The following CACNA2D3 variants were observed in gnomAD, a reference collection of about 807,000 sequenced individuals.
The protein encoded by CACNA2D3 is voltage-dependent calcium channel subunit alpha-2/delta-3.
CACNA2D3 carries 60 observed loss-of-function variants against 160.6 expected under a neutral mutation model. The observed-to-expected ratio is 0.37, with a 90% CI of 0.30 to 0.46. The LOEUF is 0.46. Among genes scored for constraint, CACNA2D3 ranks in the 20% least tolerant of loss-of-function variants. CACNA2D3 has a pLI of 1.00. For synonymous variants in CACNA2D3, 558 were observed against 492.9 expected, an observed-to-expected ratio of 1.13 and a Z score of -1.75; for missense variants, 1,205 against 1,365.0, an observed-to-expected ratio of 0.88 and a Z score of 1.85.
rs946647699 is a variant in CACNA2D3, at chr3:55,074,386, TTATC to T, written c.*185_*188del. 6.4e-5 allele frequency: 37 copies of T among 579,630 alleles called. No individual in the cohort carries two copies. The highest frequency in any genetic ancestry group is 2.2e-4 in the Admixed American group (7 of 31,796). 35.9% of individuals were successfully genotyped at this position (579,630 alleles called of 1,614,324 possible). On this transcript the variant is annotated 3_prime_UTR_variant, in exon 38 of 38. Coordinates refer to ENST00000474759, the MANE Select transcript of CACNA2D3 (RefSeq NM_018398.3). The stretch of plus-strand genomic sequence containing the variant: ...CTCTTAAAGATATGTTGACAAAAAG[TTATC>T]TATCATCTTTTTACTTTGCCAGTCA...
chr3:55,001,233 G>A (rs1702974372), intron 31 of CACNA2D3, among the ~76,000 whole-genome samples: 1 of 152,180 alleles, frequency 6.6e-6, no homozygotes, highest in Admixed American at 6.5e-5. Flanking sequence ...TATTGCAGTA[G>A]CAAGCATGGA....
At chr3:54,613,723 A>G (rs916100920) in intron 9 of CACNA2D3, among the ~76,000 whole-genome samples, 1 of 152,194 alleles carries the variant, frequency 6.6e-6, no homozygotes, top group African/African-American at 2.4e-5. Context: ...TTCCAGGCTC[A>G]TGGTGCGCTG....
At chr3:54,426,975 C>A (rs1399300575) in intron 4 of CACNA2D3, among the ~76,000 whole-genome samples, 1 of 151,936 alleles carries the variant, frequency 6.6e-6, no homozygotes, top group Non-Finnish European at 1.5e-5. Flanking sequence ...CCTTGTTTTT[C>A]TTTCTCTTCT....
At chr3:54,636,458 C>T (rs1275770524) in intron 10 of CACNA2D3, among the ~76,000 whole-genome samples, 2 of 151,794 alleles carry the variant, frequency 1.3e-5, no homozygotes, top group East Asian at 1.9e-4. Flanking sequence ...AAAGCATATG[C>T]GTCAGGTATG....
intron 17 of CACNA2D3, among the ~76,000 whole-genome samples, chr3:54,852,246 C>G (rs997690898): frequency 6.6e-6 from 1 of 152,202 alleles, no homozygotes; most frequent in African/African-American, 2.4e-5. Flanking sequence ...AGATGAGCTC[C>G]ATAGTTTGGC....
chr3:54,139,846 G>T (rs1159488508), intron 2 of CACNA2D3, among the ~76,000 whole-genome samples: 2 of 152,216 alleles, frequency 1.3e-5, no homozygotes, highest in Non-Finnish European at 2.9e-5. Flanking sequence ...TCTGGGGATG[G>T]AAGGCTGAGA....
At position 54,842,394 on chromosome 3, in the gene CACNA2D3, A is replaced by C. The variant is rs140442170; in HGVS notation, c.1551+3746A>C. On this transcript the variant is annotated intron_variant, in intron 16 of 37. Coordinates refer to ENST00000474759, the MANE Select transcript of CACNA2D3 (RefSeq NM_018398.3). ...TGGAATTTTCAAGATGAGCTAGGTAACATTTGAGTTAAGTGGCAAATGTCT... is the reference window on the plus strand; with the variant it reads ...TGGAATTTTCAAGATGAGCTAGGTACCATTTGAGTTAAGTGGCAAATGTCT... 7.4e-4 allele frequency among the ~76,000 whole-genome samples: 112 copies of C among 152,248 alleles called. 1 individual carries two copies. In the East Asian group the frequency reaches 0.02, roughly 27 times the overall value.
intron 11 of CACNA2D3, among the ~76,000 whole-genome samples, chr3:54,683,768 C>T (rs1252796575): frequency 6.6e-6 from 1 of 152,092 alleles, no homozygotes; most frequent in African/African-American, 2.4e-5. Flanking sequence ...AGCTAGAAGT[C>T]TGAAATCAAG....
intron 2 of CACNA2D3, among the ~76,000 whole-genome samples, chr3:54,308,852 A>G (rs1372277943): frequency 6.6e-6 from 1 of 152,216 alleles, no homozygotes; most frequent in Non-Finnish European, 1.5e-5. Flanking sequence ...GGAAAGGTGA[A>G]TTATCTTCAA....
chr3:54,808,661 AATGAAC>A (rs1174261978), intron 13 of CACNA2D3, among the ~76,000 whole-genome samples: 1 of 152,184 alleles, frequency 6.6e-6, no homozygotes, highest in Non-Finnish European at 1.5e-5. Context: ...GGGGTTAGAT[AATGAAC>A]ATAAAGAGAT....
At chr3:54,203,360 C>T (rs756632975) in intron 2 of CACNA2D3, among the ~76,000 whole-genome samples, 18 of 152,118 alleles carry the variant, frequency 1.2e-4, no homozygotes, top group Non-Finnish European at 1.8e-4. Context: ...GACTCCATGG[C>T]GGTGTCTAGG....
At chr3:54,316,180 C>T (rs1271344908) in intron 2 of CACNA2D3, among the ~76,000 whole-genome samples, 1 of 152,042 alleles carries the variant, frequency 6.6e-6, no homozygotes. Context: ...TATTCTTTGA[C>T]ACAGTTTGGG....
rs71096434 is a variant in CACNA2D3, at chr3:54,678,720, CAAAAAAAAAAAAAAA to C, written c.1167+36494_1167+36508del. Among the ~76,000 whole-genome samples the C allele has an allele frequency of 9.1e-3, 420 of 45,940 alleles. 11 individuals are homozygous for C. The highest frequency in any genetic ancestry group is 0.019 in the Admixed American group (45 of 2,392). The allele number at this position is 45,940 out of a possible 152,430, so 30.1% of individuals were successfully genotyped here. Reference sequence around the variant, plus strand: ...TGGGTGACAGAGTGAGACTCGGTCTCAAAAAAAAAAAAAAAAAAAAAAAAAAAAAGTTGATGATCA... The same window carrying C: ...TGGGTGACAGAGTGAGACTCGGTCTCAAAAAAAAAAAAAAGTTGATGATCA... On this transcript the variant is annotated intron_variant, in intron 11 of 37. Coordinates refer to ENST00000474759, the MANE Select transcript of CACNA2D3 (RefSeq NM_018398.3).
intron 4 of CACNA2D3, among the ~76,000 whole-genome samples, chr3:54,465,005 A>G (rs759319856): frequency 2.6e-5 from 4 of 151,964 alleles, no homozygotes; most frequent in South Asian, 2.1e-4. Flanking sequence ...ATGGTATCCC[A>G]TAAGTCCTGT....
intron 29 of CACNA2D3, among the ~76,000 whole-genome samples, chr3:54,974,222 A>G (rs1028282648): frequency 1.3e-5 from 2 of 152,156 alleles, no homozygotes; most frequent in Non-Finnish European, 2.9e-5. Flanking sequence ...GTGACCAATA[A>G]ACATTTGCTG....
chr3:55,051,127 C>T (rs1291370066), intron 35 of CACNA2D3, among the ~76,000 whole-genome samples: 1 of 152,132 alleles, frequency 6.6e-6, no homozygotes, highest in Admixed American at 6.5e-5. Context: ...CTCCATCCAG[C>T]TTTGTTCCAT....
chr3:54,141,752 G>T (rs1460286733), intron 2 of CACNA2D3, among the ~76,000 whole-genome samples: 1 of 152,172 alleles, frequency 6.6e-6, no homozygotes, highest in African/African-American at 2.4e-5. Flanking sequence ...AGCATCTCCA[G>T]AGAAAATGTT....
chr3:54,176,961 T>C (rs1022487505), intron 2 of CACNA2D3, among the ~76,000 whole-genome samples: 3 of 152,194 alleles, frequency 2.0e-5, no homozygotes, highest in Non-Finnish European at 4.4e-5. Flanking sequence ...AGCCCCATCC[T>C]GGCTGGGTGA....
At chr3:55,024,939 A>G (rs924201481) in intron 35 of CACNA2D3, among the ~76,000 whole-genome samples, 7 of 152,304 alleles carry the variant, frequency 4.6e-5, no homozygotes, top group Non-Finnish European at 7.4e-5. Context: ...TTTGTGAGGT[A>G]AATGCCACTG....
Sources: gnomAD v4.1 joint callset for allele counts (sites outside exome capture counted in the v4.1 genomes callset) on GRCh38, gnomAD v4.1.1 for gene constraint, MANE v1.5 for transcripts, NCBI Gene and HGNC (gene_info 2026-07-23, HGNC 2026-07-21) for gene names.